The following PLD1 variants were observed in gnomAD, a reference collection of about 807,000 sequenced individuals.
The protein encoded by PLD1 is phospholipase D1.
Under a neutral mutation model 137.1 loss-of-function variants are expected in PLD1, and 112 were observed. That is an observed-to-expected ratio of 0.82 (90% CI 0.70 to 0.96). The LOEUF (loss-of-function observed/expected upper bound fraction) is 0.96. Ranked by LOEUF, PLD1 falls within the 40% of genes least tolerant of loss-of-function variation. The pLI is 0.00. For missense variants in PLD1, 1,321 were observed against 1,342.0 expected (o/e 0.98, Z 0.24); for synonymous variants, 431 against 454.7 (o/e 0.95, Z 0.66).
chr3:171,746,867 G>A (rs1161072523), intron 1 of PLD1, among the ~76,000 whole-genome samples: 2 of 152,198 alleles, frequency 1.3e-5, no homozygotes, highest in Non-Finnish European at 2.9e-5. Flanking sequence ...AACCAGCTGG[G>A]GCCCCCTTCA....
At chr3:171,607,875 G>T (rs1291468830) in intron 25 of PLD1, among the ~76,000 whole-genome samples, 1 of 152,098 alleles carries the variant, frequency 6.6e-6, no homozygotes, top group African/African-American at 2.4e-5. Context: ...TCTCTATTTA[G>T]AATTGATTTC....
chr3:171,645,007 G>A lies in PLD1; in HGVS notation c.2446C>T (p.Arg816Trp), dbSNP rs1434314217. Residue 816 changes from arginine (R) to tryptophan (W), a missense_variant, in exon 22 of 27, where the codon CGG (arginine) becomes TGG (tryptophan). Transcript: ENST00000351298. ...AGAAGTGGTATCACGACATATACCC[G>A]GTATTTCTGGTTTTCCCTGCAAAGG... Reference protein sequence around the residue: ...LKAHRENQKYRVYVVIPLLPG... With the variant: ...LKAHRENQKYWVYVVIPLLPG... 28 of 1,611,482 alleles carry A rather than the reference G, an allele frequency of 1.7e-5. No individual in the cohort carries two copies. Among genetic ancestry groups the A allele is most frequent in the Non-Finnish European group, 2.3e-5 (27 of 1,177,780 alleles).
At chr3:171,639,567 AT>A (rs1289691101) in intron 23 of PLD1, among the ~76,000 whole-genome samples, 2 of 66,996 alleles carry the variant, frequency 3.0e-5, no homozygotes, top group Admixed American at 3.2e-4. Context: ...AATATATATT[AT>A]ATATAATATA....
chr3:171,681,126 T>A (rs190932802), intron 16 of PLD1, among the ~76,000 whole-genome samples: 1 of 152,362 alleles, frequency 6.6e-6, no homozygotes, highest in East Asian at 1.9e-4. Flanking sequence ...ACAATTCAAA[T>A]GTTTTTTCAT....
At position 171,684,763 on chromosome 3, in the gene PLD1, T is replaced by A. The variant is rs547959500; in HGVS notation, c.1867+1922A>T. Reference sequence around the variant, plus strand: ...GATGCATGCCACCACACTCAGCTAATTTTTGTAGAGAGGGGGTTTCACTGC... The same window carrying A: ...GATGCATGCCACCACACTCAGCTAAATTTTGTAGAGAGGGGGTTTCACTGC... On this transcript the variant is annotated intron_variant, in intron 16 of 26. Coordinates refer to ENST00000351298, the MANE Select transcript of PLD1 (RefSeq NM_002662.5). Among the ~76,000 whole-genome samples the A allele has an allele frequency of 1.9e-4, 29 of 152,242 alleles. No homozygotes were observed. The South Asian group carries it at 6.0e-3, about 32-fold the overall frequency.
intron 1 of PLD1, among the ~76,000 whole-genome samples, chr3:171,779,421 AG>A (rs969117848): frequency 6.6e-6 from 1 of 152,182 alleles, no homozygotes; most frequent in Non-Finnish European, 1.5e-5. Flanking sequence ...CAGGGAGAAA[AG>A]TCTAATTATT....
intron 23 of PLD1, among the ~76,000 whole-genome samples, chr3:171,640,427 G>C (rs1246008415): frequency 2.0e-5 from 3 of 151,836 alleles, no homozygotes; most frequent in Non-Finnish European, 2.9e-5. Context: ...TGATTCTTTG[G>C]TTATTTAGAA....
intron 1 of PLD1, among the ~76,000 whole-genome samples, chr3:171,779,661 G>A (rs562965847): frequency 6.6e-6 from 1 of 151,970 alleles, no homozygotes; most frequent in Non-Finnish European, 1.5e-5. Context: ...GTTTGGATAT[G>A]TAAGTCTGAG....
intron 6 of PLD1, among the ~76,000 whole-genome samples, chr3:171,729,830 T>G (rs1482411398): frequency 6.6e-6 from 1 of 152,238 alleles, no homozygotes; most frequent in Non-Finnish European, 1.5e-5. Context: ...TTACCTACTC[T>G]TCCCCTCAAG....
intron 1 of PLD1, among the ~76,000 whole-genome samples, chr3:171,758,219 A>T (rs1721158959): frequency 6.6e-6 from 1 of 152,212 alleles, no homozygotes; most frequent in Admixed American, 6.5e-5. Flanking sequence ...TATTATTTGC[A>T]TGTCATAACT....
chr3:171,740,945 T>G (rs1719733741), intron 1 of PLD1, among the ~76,000 whole-genome samples: 2 of 152,340 alleles, frequency 1.3e-5, no homozygotes, highest in East Asian at 1.9e-4. Flanking sequence ...CTCTAAAATC[T>G]TATGGAGTTG....
chr3:171,771,286 G>A (rs1472164642), intron 1 of PLD1: 2 of 152,358 alleles, frequency 1.3e-5, no homozygotes, highest in East Asian at 3.9e-4. Flanking sequence ...ATAGCCAAGA[G>A]GTGGCAAAAT....
At chr3:171,710,921 T>A in intron 9 of PLD1, among the ~76,000 whole-genome samples, 1 of 142,512 alleles carries the variant, frequency 7.0e-6, no homozygotes, top group South Asian at 2.2e-4. Flanking sequence ...TCGCCCAGGC[T>A]GGAGTGCAAT....
intron 9 of PLD1, among the ~76,000 whole-genome samples, chr3:171,711,092 C>A (rs1717180297): frequency 6.6e-6 from 1 of 150,536 alleles, no homozygotes; most frequent in Admixed American, 6.6e-5. Context: ...TGGTCTCGAA[C>A]TCTCAACCTC....
intron 11 of PLD1, among the ~76,000 whole-genome samples, chr3:171,704,799 G>A (rs1258029934): frequency 6.6e-6 from 1 of 152,194 alleles, no homozygotes; most frequent in African/African-American, 2.4e-5. Context: ...TTTGGCACCA[G>A]AAACCGGATT....
chr3:171,661,710 T>C (rs906180841), intron 20 of PLD1, among the ~76,000 whole-genome samples: 4 of 152,198 alleles, frequency 2.6e-5, no homozygotes, highest in African/African-American at 4.8e-5. Flanking sequence ...TCTCCTGAAA[T>C]AGAACTTGCT....
intron 1 of PLD1, among the ~76,000 whole-genome samples, chr3:171,766,511 T>G (rs1434818938): frequency 6.6e-6 from 1 of 152,158 alleles, no homozygotes; most frequent in Non-Finnish European, 1.5e-5. Flanking sequence ...GATGGAGAGA[T>G]AGTTTAATAT....
chr3:171,790,249 C>T (rs1031110661), intron 1 of PLD1, among the ~76,000 whole-genome samples: 2 of 152,198 alleles, frequency 1.3e-5, no homozygotes, highest in Non-Finnish European at 2.9e-5. Flanking sequence ...GGTCTACCTG[C>T]CTGACTGGTT....
chr3:171,750,296 AT>A (rs1720562912), intron 1 of PLD1, among the ~76,000 whole-genome samples: 1 of 152,232 alleles, frequency 6.6e-6, no homozygotes, highest in Non-Finnish European at 1.5e-5. Context: ...GAAAGGGTCA[AT>A]AAACCTGAAG....
Sources: allele counts gnomAD v4.1 joint callset (sites outside exome capture counted in the v4.1 genomes callset), GRCh38; gene constraint gnomAD v4.1.1; transcripts MANE v1.5; gene names NCBI Gene and HGNC (gene_info 2026-07-23, HGNC 2026-07-21).